KCTD8: variants seen among roughly 807,000 people sequenced by gnomAD.
The protein encoded by KCTD8 is BTB/POZ domain-containing protein KCTD8.
A neutral mutation model predicts 31.5 loss-of-function variants in KCTD8; 27 were observed. The ratio of observed to expected loss-of-function variants is 0.86; its 90% CI spans 0.63 to 1.18. The LOEUF is 1.18. KCTD8 is among the 50% of genes most tolerant of loss of function. The probability of loss-of-function intolerance (pLI) is 0.00; values close to 1 mark genes in which losing one functional copy is unlikely to be tolerated. For synonymous variants in KCTD8, 290 were observed against 280.0 expected (o/e 1.04, Z -0.36); for missense variants, 658 against 647.7 (o/e 1.02, Z -0.17).
At chr4:44,366,040 A>G (rs905246261) in intron 1 of KCTD8, among the ~76,000 whole-genome samples, 8 of 152,240 alleles carry the variant, frequency 5.3e-5, no homozygotes, top group Non-Finnish European at 1.0e-4. Context: ...CATGATTTAT[A>G]TAAAATTATA....
At position 44,384,699 on chromosome 4, in the gene KCTD8, C is replaced by T. The variant is rs138549066; in HGVS notation, c.961+62864G>A. On this transcript the variant is annotated intron_variant, in intron 1 of 1. Transcript: ENST00000360029. ...TAACTACAACTAGATAGGAGGAACA[C>T]ATTCTAGTTACAGTGTTCTACAGCA... Among the ~76,000 whole-genome samples the T allele has an allele frequency of 6.7e-3, 1,019 of 151,794 alleles. 6 individuals carry two copies. Among genetic ancestry groups the T allele is most frequent in the South Asian group, 9.8e-3 (47 of 4,820 alleles).
At chr4:44,408,476 C>A (rs1179603650) in intron 1 of KCTD8, among the ~76,000 whole-genome samples, 1 of 151,932 alleles carries the variant, frequency 6.6e-6, no homozygotes, top group Non-Finnish European at 1.5e-5. Context: ...AACCAAAAAA[C>A]AAAAACAAAA....
At chr4:44,261,679 A>G (rs1716183783) in intron 1 of KCTD8, among the ~76,000 whole-genome samples, 1 of 152,000 alleles carries the variant, frequency 6.6e-6, no homozygotes, top group South Asian at 2.1e-4. Flanking sequence ...AAGTGAGATC[A>G]TACAGTATGT....
chr4:44,448,112 G>A lies in KCTD8; in HGVS notation c.412C>T (p.Gln138Ter). The A allele has an allele frequency of 6.2e-7, 1 of 1,612,680 alleles. No homozygotes were observed. The change falls in exon 1 of 2, where the codon CAG (glutamine) becomes TAG (stop). Residue 138 changes from glutamine (Q) to a stop codon, truncating the protein, a stop_gained. Coordinates refer to ENST00000360029, the MANE Select transcript of KCTD8 (RefSeq NM_198353.3). LOFTEE classifies it high-confidence loss of function. The surrounding 1 kb of genome is among the most constrained non-coding windows in gnomAD (Gnocchi z 4.1). ...AGCAGCTTGACCAAGTCGGTGAGCT[G>A]GAAATACTCGGCCTCGCGCAGCAGC... ...ERLLREAEYFQLTDLVKLLSP... is the reference protein window; with the variant it reads ...ERLLREAEYF
intron 1 of KCTD8, among the ~76,000 whole-genome samples, chr4:44,264,309 AC>A (rs1716270125): frequency 6.6e-6 from 1 of 152,198 alleles, no homozygotes; most frequent in African/African-American, 2.4e-5. Flanking sequence ...AGAATTTAGT[AC>A]TTTTTTATGA....
chr4:44,342,828 G>C (rs1220966430), intron 1 of KCTD8, among the ~76,000 whole-genome samples: 1 of 152,154 alleles, frequency 6.6e-6, no homozygotes, highest in Admixed American at 6.5e-5. Flanking sequence ...TATGAAGGTG[G>C]CTTCTGAAAC....
At chr4:44,181,510 G>GGCGCC (rs1443360699) in intron 1 of KCTD8, among the ~76,000 whole-genome samples, 1 of 152,200 alleles carries the variant, frequency 6.6e-6, no homozygotes, top group Non-Finnish European at 1.5e-5. Flanking sequence ...GGCCCCCCGA[G>GGCGCC]GCGCCGGGAT....
chr4:44,447,646 C>T lies in KCTD8; in HGVS notation c.878G>A (p.Cys293Tyr), dbSNP rs1250615652. 1 of 1,610,604 alleles carries T rather than the reference C, an allele frequency of 6.2e-7. No homozygotes were observed. The highest frequency in any genetic ancestry group is 1.3e-5 in the African/African-American group (1 of 74,870). Residue 293 changes from cysteine (C) to tyrosine (Y), a missense_variant, in exon 1 of 2, where the codon TGT becomes TAT. Transcript: ENST00000360029. ...LSEAGFHMVACNSSGTAAFVN... is the reference protein window; with the variant it reads ...LSEAGFHMVAYNSSGTAAFVN... ...GAAGGCGGCGGTGCCCGAGGAGTTA[C>T]ACGCCACCATGTGGAAGCCGGCCTC...
At chr4:44,181,479 C>T (rs978050628) in intron 1 of KCTD8, among the ~76,000 whole-genome samples, 18 of 152,288 alleles carry the variant, frequency 1.2e-4, no homozygotes, top group Admixed American at 8.5e-4. Context: ...AGCTCCTAAC[C>T]GCGAGTGATC....
At chr4:44,246,410 C>T (rs1452129424) in intron 1 of KCTD8, among the ~76,000 whole-genome samples, 1 of 151,796 alleles carries the variant, frequency 6.6e-6, no homozygotes, top group Non-Finnish European at 1.5e-5. Context: ...GGTTTTTAAC[C>T]CACTGTTTTC....
chr4:44,333,098 C>T (rs867888832), intron 1 of KCTD8, among the ~76,000 whole-genome samples: 2 of 151,974 alleles, frequency 1.3e-5, no homozygotes, highest in Non-Finnish European at 2.9e-5. Flanking sequence ...GCCAGATAAC[C>T]AACTGATCAC....
At chr4:44,391,405 C>A (rs1720366344) in intron 1 of KCTD8, among the ~76,000 whole-genome samples, 1 of 151,938 alleles carries the variant, frequency 6.6e-6, no homozygotes, top group African/African-American at 2.4e-5. Context: ...AACTCTGTCA[C>A]CCAGGACAGC....
chr4:44,353,999 A>G (rs1267338642), intron 1 of KCTD8, among the ~76,000 whole-genome samples: 1 of 152,142 alleles, frequency 6.6e-6, no homozygotes. Flanking sequence ...TTTTTTAAAA[A>G]TCTAGTAGAT....
At chr4:44,210,711 A>C (rs1714461824) in intron 1 of KCTD8, among the ~76,000 whole-genome samples, 1 of 152,216 alleles carries the variant, frequency 6.6e-6, no homozygotes, top group Non-Finnish European at 1.5e-5. Context: ...ACACAACCTC[A>C]TTTATGATAG....
chr4:44,345,194 G>A (rs1161955306), intron 1 of KCTD8, among the ~76,000 whole-genome samples: 1 of 151,986 alleles, frequency 6.6e-6, no homozygotes, highest in Non-Finnish European at 1.5e-5. Context: ...CAATAAGTTA[G>A]CCTTTAAGTT....
chr4:44,239,517 C>T (rs1419378876), intron 1 of KCTD8, among the ~76,000 whole-genome samples: 1 of 152,122 alleles, frequency 6.6e-6, no homozygotes, highest in Non-Finnish European at 1.5e-5. Context: ...TAAAAATTAA[C>T]AATTATTCAT....
At chr4:44,241,060 CA>C (rs1216344684) in intron 1 of KCTD8, among the ~76,000 whole-genome samples, 2 of 152,194 alleles carry the variant, frequency 1.3e-5, no homozygotes, top group Non-Finnish European at 2.9e-5. Flanking sequence ...CCCTTGGTTT[CA>C]AAACTCAGTG....
intron 1 of KCTD8, among the ~76,000 whole-genome samples, chr4:44,364,775 T>G (rs1276333609): frequency 1.3e-5 from 2 of 151,798 alleles, no homozygotes; most frequent in African/African-American, 4.8e-5. Flanking sequence ...CTTAAATACA[T>G]ATTGCTAAGT....
At chr4:44,302,043 T>C (rs1717640295) in intron 1 of KCTD8, among the ~76,000 whole-genome samples, 1 of 152,156 alleles carries the variant, frequency 6.6e-6, no homozygotes, top group Non-Finnish European at 1.5e-5. Flanking sequence ...TGTGGCGTTA[T>C]TTCTGAGGGC....
Sources: gnomAD v4.1 joint callset for allele counts (sites outside exome capture counted in the v4.1 genomes callset) on GRCh38, gnomAD v4.1.1 for gene constraint, Gnocchi (gnomAD v3.1) non-coding constraint, MANE v1.5 for transcripts, NCBI Gene and HGNC (gene_info 2026-07-23, HGNC 2026-07-21) for gene names.